The following ANTXRL variants were observed in gnomAD, a reference collection of about 807,000 sequenced individuals.
The protein encoded by ANTXRL is ANTXR like.
A neutral mutation model predicts 75.4 loss-of-function variants in ANTXRL; 63 were observed. The observed-to-expected ratio is 0.84, with a 90% CI of 0.68 to 1.03. The LOEUF is 1.03. ANTXRL is among the 50% of genes least tolerant of loss of function. ANTXRL has a pLI of 0.00. For synonymous variants in ANTXRL, 335 were observed against 291.3 expected (o/e 1.15, Z -1.53); for missense variants, 797 against 789.4 (o/e 1.01, Z -0.12).
In ANTXRL at chr10:46,313,349, C is replaced by A. The variant is rs536830516; in HGVS notation, c.1410+33C>A. On this transcript the variant is annotated intron_variant, in intron 16 of 16. Coordinates refer to ENST00000620264, the MANE Select transcript of ANTXRL (RefSeq NM_001278688.3). ...AGGGCACAGGGACACAGTTGATGGA[C>A]AAAAGGCCACTGCTTTTCCCCTGAC... 2.7e-4 allele frequency: 415 copies of A among 1,523,078 alleles called. 1 individual carries two copies. In the Middle Eastern group the frequency reaches 6.2e-3, roughly 23 times the overall value. 94.3% of individuals were successfully genotyped at this position (1,523,078 alleles called of 1,614,324 possible).
intron 11 of ANTXRL, 61 bp downstream of exon 11, chr10:46,306,933 T>A (rs1838129848): frequency 1.4e-6 from 2 of 1,388,920 alleles, no homozygotes; most frequent in Non-Finnish European, 1.9e-6. Context: ...TTGGGCACCT[T>A]GAGGTGTACA....
rs537039983 is a variant in ANTXRL, at chr10:46,311,500, C to G, written c.1174-10C>G. 1.3e-5 allele frequency: 20 copies of G among 1,525,402 alleles called. No homozygotes were observed. The South Asian group carries it at 1.7e-4, about 13-fold the overall frequency. 94.5% of individuals were successfully genotyped at this position (1,525,402 alleles called of 1,614,324 possible). A position where few individuals can be genotyped will look rare whatever the true frequency, so the allele number is the denominator to read the frequency against. ...GCACTGTGAGCAGACAGTTGTTTTT[C>G]TTTTTTTAGGAGCCAGAGCAGGAAA... On this transcript the variant is annotated splice_polypyrimidine_tract_variant and intron_variant, in intron 14 of 16. Coordinates refer to ENST00000620264, the MANE Select transcript of ANTXRL (RefSeq NM_001278688.3).
rs1359488248 is a variant in ANTXRL, at chr10:46,302,779, A to C, written c.854A>C (p.Glu285Ala). ...TTTCAGAATCTAAAGAAACGGGATG[A>C]AGTTATTTGCAGATTTATCTTCAAT... ...NGFQNLKKRD[E>A]VICRFIFNES... The change falls in exon 10 of 17, where the codon GAA (glutamate) becomes GCA (alanine). Residue 285 changes from glutamate (E) to alanine (A), a missense_variant. Physicochemically the swap from Glu to Ala is moderately radical, Grantham distance 107. This residue lies in a region of ANTXRL where 56 missense variants were observed against 95.5 expected (regional missense o/e 0.59). Transcript: ENST00000620264. 1.3e-6 allele frequency: 2 copies of C among 1,536,172 alleles called. No individual in the cohort carries two copies. The highest frequency in any genetic ancestry group is 1.7e-6 in the Non-Finnish European group (2 of 1,146,762).
Position 46,287,273 on chromosome 10 carries a change from ATGAGTCCC to A in ANTXRL, c.14_21del (p.Glu5GlyfsTer19). On this transcript the variant is annotated frameshift_variant, in exon 1 of 17. Transcript: ENST00000620264. LOFTEE classifies it high-confidence loss of function. ...AGGGACAGCCAGATAATGGGGAGCC[ATGAGTCCC>A]TGGGGCCCTACTTCCTGGTCTTCCT... The A allele has an allele frequency of 6.5e-7, 1 of 1,535,842 alleles. No individual in the cohort carries two copies. Among genetic ancestry groups the A allele is most frequent in the Non-Finnish European group, 8.7e-7 (1 of 1,146,724 alleles).
rs74854999 is a variant in ANTXRL at position 46,294,431 on chromosome 10, A to G, written c.392+531A>G. Among the ~76,000 whole-genome samples the G allele has an allele frequency of 1.1e-4, 16 of 152,232 alleles. No homozygotes were observed. The East Asian group carries it at 3.1e-3, about 29-fold the overall frequency. ...GCAGGCTGGGAAAGTGGAGGGAGGC[A>G]GGAGGAACAAGCTCAGGAGGCTGGA... On this transcript the variant is annotated intron_variant, in intron 3 of 16. Transcript: ENST00000620264.
At chr10:46,325,821 G>A (rs1839185117) in intron 16 of ANTXRL, among the ~76,000 whole-genome samples, 2 of 152,030 alleles carry the variant, frequency 1.3e-5, no homozygotes, top group African/African-American at 4.8e-5. Context: ...CTCATGCAGG[G>A]GTTTTTGAGG....
chr10:46,328,780 G>T (rs1839349504), intron 16 of ANTXRL, among the ~76,000 whole-genome samples: 2 of 152,090 alleles, frequency 1.3e-5, no homozygotes, highest in African/African-American at 4.8e-5. Flanking sequence ...TGGACTTGGG[G>T]TGACCAATCT....
intron 12 of ANTXRL, among the ~76,000 whole-genome samples, 187 bp downstream of exon 12, chr10:46,307,667 A>G (rs1838173422): frequency 6.6e-6 from 1 of 152,176 alleles, no homozygotes; most frequent in Non-Finnish European, 1.5e-5. Flanking sequence ...GCTGTCTGCC[A>G]GGAGCCAGAG....
At chr10:46,311,871 C>T (rs1838448543) in intron 15 of ANTXRL, among the ~76,000 whole-genome samples, 3 of 152,082 alleles carry the variant, frequency 2.0e-5, no homozygotes, top group South Asian at 4.1e-4. Flanking sequence ...GCTCCTGTCC[C>T]CTGCACCACC....
At chr10:46,294,075 C>T in intron 3 of ANTXRL, 175 bp downstream of exon 3, 1 of 601,874 alleles carries the variant, frequency 1.7e-6, no homozygotes, top group Non-Finnish European at 2.9e-6. Context: ...CTGCATCCTC[C>T]TACCCATGGC....
chr10:46,309,236 C>A (rs1554962793), intron 13 of ANTXRL, 34 bp downstream of exon 13: 2 of 1,535,296 alleles, frequency 1.3e-6, no homozygotes, highest in Admixed American at 2.0e-5. Context: ...CTCTGGGGCC[C>A]AGGCACAGGC....
intron 10 of ANTXRL, 138 bp from the exon 11 acceptor site, chr10:46,306,665 G>A (rs1838105312): frequency 1.6e-6 from 1 of 630,682 alleles, no homozygotes; most frequent in East Asian, 3.2e-5. Flanking sequence ...GTGCTTGCAG[G>A]GGTCTGTGCA....
At chr10:46,313,566 G>A (rs1466363924) in intron 16 of ANTXRL, among the ~76,000 whole-genome samples, 1 of 152,196 alleles carries the variant, frequency 6.6e-6, no homozygotes, top group African/African-American at 2.4e-5. Flanking sequence ...TTGGGCAACA[G>A]TGACTGGTTC....
At chr10:46,297,527 G>C in intron 7 of ANTXRL, 53 bp downstream of exon 7, 2 of 1,522,806 alleles carry the variant, frequency 1.3e-6, no homozygotes, top group Non-Finnish European at 1.8e-6. Flanking sequence ...GGTCACTTTC[G>C]AGCCAACCGT....
rs538517904 is a variant in ANTXRL, at chr10:46,311,030, G to A, written c.1174-480G>A. Among the ~76,000 whole-genome samples, 12 of 152,210 alleles carry A rather than the reference G, an allele frequency of 7.9e-5. No homozygotes were observed. The South Asian group carries it at 2.5e-3, about 32-fold the overall frequency. On this transcript the variant is annotated intron_variant, in intron 14 of 16. Transcript: ENST00000620264. ...GGACACCAGCCCAGTGAGCACAGGG[G>A]CCAGGAGTCCGGGAACAAGTTGTGG...
intron 16 of ANTXRL, among the ~76,000 whole-genome samples, chr10:46,327,886 C>G (rs1839303632): frequency 6.6e-6 from 1 of 152,284 alleles, no homozygotes; most frequent in South Asian, 2.1e-4. Flanking sequence ...AAACCACAAG[C>G]ATTGATGGGC....
chr10:46,297,265 C>T lies in ANTXRL; in HGVS notation c.522C>T (p.Ser174=). The change falls in exon 6 of 17, where the codon AGC becomes AGT. Residue 174 remains serine (S), a synonymous_variant. Coordinates refer to ENST00000620264, the MANE Select transcript of ANTXRL (RefSeq NM_001278688.3). The part of the protein sequence containing the change: ...ESFNSGNKVP[S]MIIAMTDGEL... Reference sequence around the variant, plus strand: ...CTTCTTCTACAGACAAGGTTCCCAGCATGATTATTGCTATGACTGATGGAG... The same window carrying T: ...CTTCTTCTACAGACAAGGTTCCCAGTATGATTATTGCTATGACTGATGGAG... 6.5e-7 allele frequency: 1 copy of T among 1,536,466 alleles called. No individual in the cohort carries two copies. The highest frequency in any genetic ancestry group is 8.7e-7 in the Non-Finnish European group (1 of 1,146,854).
At chr10:46,291,913 G>A (rs782251672) in intron 1 of ANTXRL, 145 bp from the exon 2 acceptor site, 52 of 694,058 alleles carry the variant, frequency 7.5e-5, no homozygotes, top group Non-Finnish European at 1.2e-4. Context: ...ATGATCCAGT[G>A]GCCACTGGGG....
rs1219017078 is a variant in ANTXRL, at chr10:46,310,643, A to G, written c.1173+144A>G. 10 of 881,978 alleles carry G rather than the reference A, an allele frequency of 1.1e-5. No homozygotes were observed. In the East Asian group the frequency reaches 2.7e-4, roughly 23 times the overall value. The allele number at this position is 881,978 out of a possible 1,614,324, so 54.6% of individuals were successfully genotyped here. On this transcript the variant is annotated intron_variant, in intron 14 of 16. Coordinates refer to ENST00000620264, the MANE Select transcript of ANTXRL (RefSeq NM_001278688.3). ...GAGGGGCAGAATGGAGCCTGAGAAGATGGGGGACTCACAGTGATGTCCCCA... is the reference window on the plus strand; with the variant it reads ...GAGGGGCAGAATGGAGCCTGAGAAGGTGGGGGACTCACAGTGATGTCCCCA...
Sources: allele counts gnomAD v4.1 joint callset (sites outside exome capture counted in the v4.1 genomes callset), GRCh38; gene constraint gnomAD v4.1.1; regional missense constraint gnomAD v4.1.1; transcripts MANE v1.5; gene names NCBI Gene and HGNC (gene_info 2026-07-23, HGNC 2026-07-21).